The following WWP1 variants were observed in gnomAD, a reference collection of about 807,000 sequenced individuals.
The protein encoded by WWP1 is WW domain containing E3 ubiquitin protein ligase 1, also known as NEDD4-like E3 ubiquitin-protein ligase WWP1.
Under a neutral mutation model 130.6 loss-of-function variants are expected in WWP1, and 49 were observed. The observed-to-expected ratio is 0.38, with a 90% CI of 0.30 to 0.48. The LOEUF (loss-of-function observed/expected upper bound fraction) is 0.48. Ranked by LOEUF, WWP1 falls within the 20% of genes least tolerant of loss-of-function variation. The pLI, the probability that WWP1 is intolerant of heterozygous loss-of-function variation, is 0.99. For missense variants in WWP1, 809 were observed against 1,100.6 expected, an observed-to-expected ratio of 0.74 and a Z score of 3.75; for synonymous variants, 332 against 367.8, an observed-to-expected ratio of 0.90 and a Z score of 1.11.
At chr8:86,433,607 T>C (rs562116557) in intron 14 of WWP1, among the ~76,000 whole-genome samples, 5 of 151,930 alleles carry the variant, frequency 3.3e-5, no homozygotes, top group African/African-American at 1.2e-4. Flanking sequence ...TGATATTCCC[T>C]GTCACAGTTG....
At chr8:86,354,785 A>C (rs1306061445) in intron 1 of WWP1, among the ~76,000 whole-genome samples, 2 of 152,084 alleles carry the variant, frequency 1.3e-5, no homozygotes, top group Non-Finnish European at 2.9e-5. Context: ...ATGGAAGAAA[A>C]ATATTGAGAG....
chr8:86,421,695 G>C (rs961070617), intron 9 of WWP1, among the ~76,000 whole-genome samples: 12 of 152,038 alleles, frequency 7.9e-5, no homozygotes, highest in Non-Finnish European at 1.2e-4. Context: ...GTGGTGGCTG[G>C]CGCCTATAGT....
intron 8 of WWP1, among the ~76,000 whole-genome samples, chr8:86,409,741 A>G (rs1259420194): frequency 6.6e-6 from 1 of 151,786 alleles, no homozygotes; most frequent in Non-Finnish European, 1.5e-5. Flanking sequence ...GGTGCCTGTA[A>G]TCCCGGCTAC....
At chr8:86,395,696 A>T (rs1036615727) in intron 5 of WWP1, among the ~76,000 whole-genome samples, 1 of 152,226 alleles carries the variant, frequency 6.6e-6, no homozygotes, top group Non-Finnish European at 1.5e-5. Context: ...AAATAAATTT[A>T]AAAAGCAGCT....
At chr8:86,365,662 A>C (rs1823926553) in intron 1 of WWP1, among the ~76,000 whole-genome samples, 1 of 152,184 alleles carries the variant, frequency 6.6e-6, no homozygotes, top group South Asian at 2.1e-4. Context: ...AAGTGTGGAC[A>C]AGAAAGCTTT....
intron 2 of WWP1, among the ~76,000 whole-genome samples, chr8:86,372,017 ATTTTTTTT>A (rs34458424): frequency 3.1e-4 from 22 of 70,200 alleles, no homozygotes; most frequent in African/African-American, 9.5e-4. Context: ...TAATTTTTGT[ATTTTTTTT>A]TTTTTTTTTT....
At chr8:86,395,776 G>A (rs1006993137) in intron 5 of WWP1, among the ~76,000 whole-genome samples, 6 of 152,214 alleles carry the variant, frequency 3.9e-5, no homozygotes, top group African/African-American at 1.4e-4. Context: ...AGAGAAGATA[G>A]TGGAAAAATA....
At chr8:86,416,023 T>C (rs1481515608) in intron 9 of WWP1, among the ~76,000 whole-genome samples, 5 of 152,228 alleles carry the variant, frequency 3.3e-5, no homozygotes, top group Admixed American at 6.5e-5. Context: ...GGTAAATGCC[T>C]CTGGAAGAAA....
intron 1 of WWP1, among the ~76,000 whole-genome samples, chr8:86,367,107 T>G (rs573909802): frequency 6.6e-6 from 1 of 152,214 alleles, no homozygotes; most frequent in African/African-American, 2.4e-5. Context: ...CCACATTTAT[T>G]GAACTAAACT....
intron 9 of WWP1, among the ~76,000 whole-genome samples, chr8:86,413,854 C>T (rs1161766088): frequency 6.6e-6 from 1 of 152,064 alleles, no homozygotes; most frequent in Non-Finnish European, 1.5e-5. Flanking sequence ...TGGCATAATC[C>T]TCTTTGCTTT....
At chr8:86,382,778 TTTC>T (rs1292138643) in intron 5 of WWP1, among the ~76,000 whole-genome samples, 1 of 152,238 alleles carries the variant, frequency 6.6e-6, no homozygotes, top group Non-Finnish European at 1.5e-5. Flanking sequence ...ATTTATTTAG[TTTC>T]CCGTTGTCTG....
chr8:86,391,134 C>A (rs781712433), intron 5 of WWP1, among the ~76,000 whole-genome samples: 5 of 152,032 alleles, frequency 3.3e-5, no homozygotes, highest in Non-Finnish European at 5.9e-5. Flanking sequence ...ATTGTTTTCC[C>A]CAGAATCCAA....
chr8:86,420,324 G>C (rs534952357), intron 9 of WWP1, among the ~76,000 whole-genome samples: 1 of 152,142 alleles, frequency 6.6e-6, no homozygotes, highest in African/African-American at 2.4e-5. Flanking sequence ...GGGGTTTAAC[G>C]ATAAGAATGT....
intron 20 of WWP1, among the ~76,000 whole-genome samples, chr8:86,451,992 G>A (rs1286686570): frequency 1.3e-5 from 2 of 152,106 alleles, no homozygotes; most frequent in African/African-American, 2.4e-5. Context: ...AAAACAGCAG[G>A]TAAAGAACCT....
chr8:86,451,214 TAAAAAAAAAAAAAAAAAAAAAAAAAA>T (rs61141803), intron 20 of WWP1, among the ~76,000 whole-genome samples: 19 of 43,680 alleles, frequency 4.3e-4, no homozygotes, highest in Middle Eastern at 0.019. Flanking sequence ...CCTATGTTAT[TAAAAAAAAAAAAAAAAAAAAAAAAAA>T]AAAAAAAAAA....
At chr8:86,434,493 T>G (rs1810176030) in intron 14 of WWP1, among the ~76,000 whole-genome samples, 1 of 152,212 alleles carries the variant, frequency 6.6e-6, no homozygotes, top group Non-Finnish European at 1.5e-5. Context: ...AAATGTCACT[T>G]TGTCTGTGAG....
chr8:86,344,790 G>A (rs2130046520), intron 1 of WWP1, among the ~76,000 whole-genome samples: 1 of 152,292 alleles, frequency 6.6e-6, no homozygotes, highest in African/African-American at 2.4e-5. Flanking sequence ...TTCCTGTTTG[G>A]GGAAAGGCAG....
intron 9 of WWP1, among the ~76,000 whole-genome samples, chr8:86,414,931 T>G (rs550917752): frequency 8.8e-6 from 1 of 113,324 alleles, no homozygotes; most frequent in Non-Finnish European, 1.6e-5. Context: ...GGCAACTGGG[T>G]CATGGCATAT....
At chr8:86,375,067 C>T (rs533779974) in intron 3 of WWP1, among the ~76,000 whole-genome samples, 36 of 152,116 alleles carry the variant, frequency 2.4e-4, no homozygotes, top group African/African-American at 7.0e-4. Context: ...TTTTATCCTA[C>T]TACACCAGTT....
Sources: allele counts gnomAD v4.1 joint callset (sites outside exome capture counted in the v4.1 genomes callset), GRCh38; gene constraint gnomAD v4.1.1; transcripts MANE v1.5; gene names NCBI Gene and HGNC (gene_info 2026-07-23, HGNC 2026-07-21).